Variants in ADGRL2 observed in about 807,000 individuals in gnomAD.
ADGRL2 encodes adhesion G protein-coupled receptor L2, also known as calcium-independent alpha-latrotoxin receptor 2.
Under a neutral mutation model 157.4 loss-of-function variants are expected in ADGRL2, and 44 were observed. The observed-to-expected ratio is 0.28, with a 90% CI of 0.22 to 0.36. ADGRL2 has a LOEUF of 0.36. Among genes scored for constraint, ADGRL2 ranks in the 10% least tolerant of loss-of-function variants. The pLI is 1.00. For missense variants in ADGRL2, 1,510 were observed against 1,768.9 expected (o/e 0.85, Z 2.63); for synonymous variants, 585 against 624.7 (o/e 0.94, Z 0.95).
intron 2 of ADGRL2, among the ~76,000 whole-genome samples, chr1:81,905,703 G>T (rs2094570497): frequency 6.6e-6 from 1 of 152,090 alleles, no homozygotes; most frequent in Admixed American, 6.6e-5. Context: ...TCTAATAATA[G>T]ATTTATTCTG....
At chr1:81,577,793 A>G (rs2080826049) in intron 2 of ADGRL2, among the ~76,000 whole-genome samples, 1 of 152,186 alleles carries the variant, frequency 6.6e-6, no homozygotes, top group South Asian at 2.1e-4. Context: ...TTAAATATTC[A>G]ATCTTTCCTG....
At chr1:81,323,755 A>T (rs1414716378) in intron 1 of ADGRL2, among the ~76,000 whole-genome samples, 1 of 152,216 alleles carries the variant, frequency 6.6e-6, no homozygotes. Flanking sequence ...GTGATATTTA[A>T]ATCAAATTAA....
At chr1:81,368,186 A>T (rs1210096769) in intron 1 of ADGRL2, among the ~76,000 whole-genome samples, 1 of 152,138 alleles carries the variant, frequency 6.6e-6, no homozygotes, top group Non-Finnish European at 1.5e-5. Context: ...CCTCACCAGC[A>T]TCTGATGTTT....
chr1:81,510,866 A>T (rs141434977), intron 2 of ADGRL2, among the ~76,000 whole-genome samples: 5 of 152,352 alleles, frequency 3.3e-5, no homozygotes, highest in African/African-American at 9.6e-5. Context: ...TGACAAGGAA[A>T]AAAATAGCCT....
At chr1:81,421,825 T>A (rs2077130320) in intron 1 of ADGRL2, among the ~76,000 whole-genome samples, 1 of 152,202 alleles carries the variant, frequency 6.6e-6, no homozygotes. Flanking sequence ...ATTCAAAATT[T>A]GGGAAGAAAA....
chr1:81,821,802 A>C (rs1205276427), intron 1 of ADGRL2, among the ~76,000 whole-genome samples: 2 of 152,188 alleles, frequency 1.3e-5, no homozygotes, highest in African/African-American at 4.8e-5. Flanking sequence ...AAAGCATGTT[A>C]AATTTCACAG....
At chr1:81,769,015 G>A (rs184731730) in intron 2 of ADGRL2, among the ~76,000 whole-genome samples, 1 of 152,254 alleles carries the variant, frequency 6.6e-6, no homozygotes, top group African/African-American at 2.4e-5. Flanking sequence ...AACCCAGGAG[G>A]CGGAGGTTGC....
intron 1 of ADGRL2, among the ~76,000 whole-genome samples, chr1:81,378,295 A>T (rs753101801): frequency 6.6e-6 from 1 of 152,140 alleles, no homozygotes; most frequent in African/African-American, 2.4e-5. Context: ...TCGTGCCTGT[A>T]ATCCCAGATA....
chr1:81,843,910 C>T (rs573780094), intron 2 of ADGRL2, among the ~76,000 whole-genome samples: 1 of 151,884 alleles, frequency 6.6e-6, no homozygotes, highest in Non-Finnish European at 1.5e-5. Flanking sequence ...TCTTTTGCCT[C>T]TTTTTCATTT....
chr1:81,313,881 A>T (rs981994692), intron 1 of ADGRL2, among the ~76,000 whole-genome samples: 1 of 152,048 alleles, frequency 6.6e-6, no homozygotes, highest in African/African-American at 2.4e-5. Flanking sequence ...TGCTTCATGT[A>T]TGTGTTCTCC....
In ADGRL2 at chr1:81,674,779, T is replaced by A. The variant is rs966252469; in HGVS notation, c.-142-87032T>A. Among the ~76,000 whole-genome samples, 11 of 152,178 alleles carry A rather than the reference T, an allele frequency of 7.2e-5. 1 individual carries two copies. Among genetic ancestry groups the A allele is most frequent in the African/African-American group, 2.6e-4 (11 of 41,530 alleles). ...TAGGCCTCATGGAAATCAAAGAAAT[T>A]GGCACTACAGGCACATTGTAGAATA... On this transcript the variant is annotated intron_variant, in intron 3 of 24. Coordinates refer to the ADGRL2 transcript ENST00000370721.
intron 2 of ADGRL2, chr1:81,503,036 G>A (rs530189039): frequency 5.6e-6 from 9 of 1,611,548 alleles, no homozygotes; most frequent in Non-Finnish European, 7.6e-6. Context: ...GCTGGTACTC[G>A]GACCGCCGCA....
upstream of ADGRL2, among the ~76,000 whole-genome samples, chr1:81,796,339 G>A (rs181335868): frequency 2.6e-4 from 39 of 152,234 alleles, no homozygotes; most frequent in African/African-American, 9.1e-4. Context: ...AAGGTTATGA[G>A]TATTTATGAT....
At chr1:81,596,834 T>G (rs767813277) in intron 3 of ADGRL2, among the ~76,000 whole-genome samples, 6 of 152,156 alleles carry the variant, frequency 3.9e-5, no homozygotes, top group Non-Finnish European at 8.8e-5. Context: ...GCTTTCTGCC[T>G]TAATATTTGT....
intron 1 of ADGRL2, among the ~76,000 whole-genome samples, chr1:81,391,485 A>T (rs1321259976): frequency 6.6e-6 from 1 of 152,302 alleles, no homozygotes; most frequent in African/African-American, 2.4e-5. Flanking sequence ...TGGCAAATAA[A>T]ATTCAGTTTG....
At chr1:81,761,090 C>T (rs2085865868) in intron 1 of ADGRL2, among the ~76,000 whole-genome samples, 1 of 151,684 alleles carries the variant, frequency 6.6e-6, no homozygotes, top group Non-Finnish European at 1.5e-5. Context: ...ACAAAAACAA[C>T]AAAAACCAAC....
intron 1 of ADGRL2, among the ~76,000 whole-genome samples, chr1:81,390,655 T>C (rs1241655873): frequency 6.6e-6 from 1 of 152,308 alleles, no homozygotes; most frequent in Non-Finnish European, 1.5e-5. Context: ...TAGTTTTTCA[T>C]ACAGAAAGGG....
At chr1:81,790,497 A>C (rs561501687) in intron 2 of ADGRL2, among the ~76,000 whole-genome samples, 1 of 152,300 alleles carries the variant, frequency 6.6e-6, no homozygotes, top group East Asian at 1.9e-4. Context: ...TGACAAAACA[A>C]ATTTATTGTT....
intron 1 of ADGRL2, among the ~76,000 whole-genome samples, chr1:81,823,294 C>T (rs181033584): frequency 2.7e-5 from 4 of 150,646 alleles, no homozygotes; most frequent in Non-Finnish European, 5.9e-5. Flanking sequence ...TGCCTGCCTC[C>T]CTTCCTCTCT....
Sources: gnomAD v4.1 joint callset for allele counts (sites outside exome capture counted in the v4.1 genomes callset) on GRCh38, gnomAD v4.1.1 for gene constraint, MANE v1.5 for transcripts, NCBI Gene and HGNC (gene_info 2026-07-23, HGNC 2026-07-21) for gene names.